The following LGALS2 variants were observed in gnomAD, a reference collection of about 807,000 sequenced individuals.
LGALS2 encodes galectin-2.
LGALS2 carries 7 observed loss-of-function variants against 10.1 expected under a neutral mutation model. The observed-to-expected ratio is 0.70, with a 90% confidence interval of 0.40 to 1.31. LGALS2 has a LOEUF of 1.31. Among genes scored for constraint, LGALS2 ranks in the 50% most tolerant of loss-of-function variants. The pLI is 0.01. For synonymous variants in LGALS2, 86 were observed against 64.2 expected (o/e 1.34, Z -1.63); for missense variants, 167 against 163.6 (o/e 1.02, Z -0.11).
intron 1 of LGALS2, among the ~76,000 whole-genome samples, chr22:37,573,526 C>T (rs1925565210): frequency 6.6e-6 from 1 of 152,088 alleles, no homozygotes; most frequent in African/African-American, 2.4e-5. Flanking sequence ...GCGAGACTCC[C>T]ATTTCTATTT....
chr22:37,578,140 T>G (rs1357678580), intron 1 of LGALS2, among the ~76,000 whole-genome samples: 2 of 152,238 alleles, frequency 1.3e-5, no homozygotes, highest in African/African-American at 4.8e-5. Flanking sequence ...TCAGAGACGG[T>G]CAGTGACTTG....
intron 1 of LGALS2, among the ~76,000 whole-genome samples, chr22:37,572,952 C>T (rs1925548948): frequency 6.7e-6 from 1 of 149,156 alleles, no homozygotes; most frequent in Admixed American, 6.7e-5. Context: ...GCCTGGGCGA[C>T]AAGAGTGACT....
rs763088523 is a variant in LGALS2, at chr22:37,570,358, C to T, written c.304G>A (p.Glu102Lys). The change falls in exon 4 of 4, where the codon GAG (glutamate) becomes AAG (lysine). Residue 102 changes from glutamate (E) to lysine (K), a missense_variant. Transcript: ENST00000215886. ...KFKVKLPDGH[E>K]LTFPNRLGHS... The stretch of plus-strand genomic sequence containing the variant: ...CCCAGCCTGTTGGGAAAAGTCAGCT[C>T]GTGCCCATCTGGCAGCTTCACCTTG... 8.1e-6 allele frequency: 13 copies of T among 1,614,074 alleles called. No individual in the cohort carries two copies. Among genetic ancestry groups the T allele is most frequent in the Non-Finnish European group, 1.0e-5 (12 of 1,179,978 alleles).
chr22:37,579,978 C>A lies in LGALS2; in HGVS notation c.-73G>T. On this transcript the variant is annotated 5_prime_UTR_variant, in exon 1 of 4. Transcript: ENST00000215886. ...CTCAGGGTCTCAACTCGTGGTCAAG[C>A]TTATATCCTAGAATATTACACATTA... is the stretch of plus-strand genomic sequence containing the variant. 6.5e-7 allele frequency: 1 copy of A among 1,546,884 alleles called. No homozygotes were observed. Among genetic ancestry groups the A allele is most frequent in the Non-Finnish European group, 8.9e-7 (1 of 1,124,006 alleles).
intron 1 of LGALS2, among the ~76,000 whole-genome samples, chr22:37,575,295 C>G (rs62235035): frequency 8.7e-4 from 131 of 149,726 alleles, no homozygotes; most frequent in Non-Finnish European, 1.5e-3. Context: ...AGCCTCATAG[C>G]CTCCTGAGCT....
rs1445030325 is a variant in LGALS2, at chr22:37,570,276, T to C, written c.386A>G (p.Lys129Arg). ...VRGGFNMSSF[K>R]LKE The stretch of plus-strand genomic sequence containing the variant: ...GCTGGAAGTCTTTTATTCTTTTAAC[T>C]TGAAAGAGGACATGTTGAACCCGCC... The change falls in exon 4 of 4, where the codon AAG (lysine) becomes AGG (arginine). Residue 129 changes from lysine to arginine, a missense_variant. By Grantham distance (26) the Lys-to-Arg change is conservative. Coordinates refer to ENST00000215886, the MANE Select transcript of LGALS2 (RefSeq NM_006498.3). 6.2e-7 allele frequency: 1 copy of C among 1,605,808 alleles called. No homozygotes were observed. Among genetic ancestry groups the C allele is most frequent in the African/African-American group, 1.3e-5 (1 of 74,742 alleles).
chr22:37,571,896 C>A lies in LGALS2; in HGVS notation c.42G>T (p.Pro14=). 1 of 1,614,114 alleles carries A rather than the reference C, an allele frequency of 6.2e-7. No individual in the cohort carries two copies. Among genetic ancestry groups the A allele is most frequent in the Non-Finnish European group, 8.5e-7 (1 of 1,179,974 alleles). ...ELEVKNMDMK[P]GSTLKITGSI... ...TGCCTGTGATCTTCAGGGTTGACCC[C>A]GGCTTCATGTCCATGTTCTTAACCT... is the stretch of plus-strand genomic sequence containing the variant. The change falls in exon 2 of 4, where the codon CCG becomes CCT. Residue 14 remains proline (P), a synonymous_variant. Transcript: ENST00000215886.
intron 1 of LGALS2, among the ~76,000 whole-genome samples, chr22:37,572,231 C>A (rs948793496): frequency 5.9e-5 from 9 of 152,224 alleles, no homozygotes; most frequent in African/African-American, 2.2e-4. Context: ...TGCCCAGTTC[C>A]GCAAAGTGTT....
At position 37,570,561 on chromosome 22, in the gene LGALS2, C is replaced by G. The variant is rs1304612876; in HGVS notation, c.249+15G>C. 6.2e-7 allele frequency: 1 copy of G among 1,614,182 alleles called. No homozygotes were observed. Among genetic ancestry groups the G allele is most frequent in the South Asian group, 1.1e-5 (1 of 91,078 alleles). Reference sequence around the variant, plus strand: ...CTTGACATCACCCCAGTGCCCTTTCCCCCTTTGACCTCACCTTGACCTCTG... The same window carrying G: ...CTTGACATCACCCCAGTGCCCTTTCGCCCTTTGACCTCACCTTGACCTCTG... On this transcript the variant is annotated intron_variant, in intron 3 of 3. Transcript: ENST00000215886.
rs1294650438 is a variant in LGALS2, at chr22:37,571,905, G to A, written c.33C>T (p.Asp11=). MTGELEVKNM[D]MKPGSTLKIT... is the part of the protein sequence containing the mutation. ...TCTTCAGGGTTGACCCCGGCTTCAT[G>A]TCCATGTTCTTAACCTCAAGTTCCC... is the stretch of plus-strand genomic sequence containing the variant. The change falls in exon 2 of 4, where the codon GAC becomes GAT. Residue 11 remains aspartate, a synonymous_variant. Coordinates refer to ENST00000215886, the MANE Select transcript of LGALS2 (RefSeq NM_006498.3). The A allele has an allele frequency of 6.2e-7, 1 of 1,614,120 alleles. No homozygotes were observed. Among genetic ancestry groups the A allele is most frequent in the Admixed American group, 1.7e-5 (1 of 60,024 alleles).
At chr22:37,579,870 G>A in intron 1 of LGALS2, 30 bp downstream of exon 1, 1 of 1,605,328 alleles carries the variant, frequency 6.2e-7, no homozygotes, top group East Asian at 2.2e-5. Flanking sequence ...GAACAGAGTG[G>A]GGCAGGCAGC....
At chr22:37,578,359 C>A (rs1925747396) in intron 1 of LGALS2, among the ~76,000 whole-genome samples, 1 of 152,168 alleles carries the variant, frequency 6.6e-6, no homozygotes, top group Admixed American at 6.5e-5. Context: ...TTACGGCTCA[C>A]TGTAGCCTCG....
chr22:37,575,176 A>T (rs1601460920), intron 1 of LGALS2, among the ~76,000 whole-genome samples: 1 of 147,756 alleles, frequency 6.8e-6, no homozygotes, highest in Non-Finnish European at 1.5e-5. Flanking sequence ...GTGAGATACC[A>T]CACCCAGCAT....
chr22:37,576,269 G>T (rs1050985683), intron 1 of LGALS2, among the ~76,000 whole-genome samples: 30 of 151,838 alleles, frequency 2.0e-4, no homozygotes, highest in African/African-American at 7.3e-4. Flanking sequence ...TGGCTAACAC[G>T]GTGAAACCCT....
intron 1 of LGALS2, among the ~76,000 whole-genome samples, chr22:37,578,421 C>T (rs950645295): frequency 6.6e-6 from 1 of 152,298 alleles, no homozygotes; most frequent in Middle Eastern, 3.4e-3. Flanking sequence ...GAGTGTGCCG[C>T]TACCCCCACT....
chr22:37,571,964 C>G (rs777216688), intron 1 of LGALS2, 33 bp from the exon 2 acceptor site: 5 of 1,569,932 alleles, frequency 3.2e-6, no homozygotes, highest in Non-Finnish European at 2.6e-6. Context: ...CACTCGAGTC[C>G]CCACAGAAAA....
intron 1 of LGALS2, among the ~76,000 whole-genome samples, chr22:37,575,951 G>A (rs549106907): frequency 1.1e-4 from 17 of 152,204 alleles, no homozygotes; most frequent in African/African-American, 4.1e-4. Context: ...AGTATTCCTG[G>A]CCTCTACCCA....
chr22:37,578,308 A>G (rs1253450230), intron 1 of LGALS2, among the ~76,000 whole-genome samples: 3 of 152,120 alleles, frequency 2.0e-5, no homozygotes, highest in African/African-American at 7.2e-5. Context: ...ATATGAGACA[A>G]GGTCTCACTC....
intron 1 of LGALS2, among the ~76,000 whole-genome samples, chr22:37,574,902 A>G: frequency 6.9e-6 from 1 of 145,654 alleles, no homozygotes. Flanking sequence ...TGAGATGTTG[A>G]GATGGAGTCT....
Sources: gnomAD v4.1 joint callset for allele counts (sites outside exome capture counted in the v4.1 genomes callset) on GRCh38, gnomAD v4.1.1 for gene constraint, MANE v1.5 for transcripts, NCBI Gene and HGNC (gene_info 2026-07-23, HGNC 2026-07-21) for gene names.